Variants in ATIC observed in about 807,000 individuals in gnomAD.
ATIC encodes 5-aminoimidazole-4-carboxamide ribonucleotide formyltransferase/IMP cyclohydrolase, also known as bifunctional purine biosynthesis protein ATIC.
A neutral mutation model predicts 72.5 loss-of-function variants in ATIC; 64 were observed. The observed-to-expected ratio is 0.88, with a 90% CI of 0.72 to 1.09. ATIC has a LOEUF of 1.09. Ranked by LOEUF, ATIC falls within the 50% of genes least tolerant of loss-of-function variation. The probability of loss-of-function intolerance (pLI) is 0.00; values close to 1 mark genes in which losing one functional copy is unlikely to be tolerated. For missense variants in ATIC, 787 were observed against 732.4 expected (o/e 1.07, Z -0.86); for synonymous variants, 281 against 267.1 (o/e 1.05, Z -0.51).
intron 2 of ATIC, among the ~76,000 whole-genome samples, chr2:215,314,526 T>C (rs2052688947): frequency 6.6e-6 from 1 of 152,066 alleles, no homozygotes; most frequent in Non-Finnish European, 1.5e-5. Flanking sequence ...GAGATAGAGT[T>C]TCACTCTTGT....
chr2:215,366,043 C>T, the ATIC span, among the ~76,000 whole-genome samples: 1 of 143,878 alleles, frequency 7.0e-6, no homozygotes, highest in Admixed American at 7.2e-5. Flanking sequence ...GTCTCAAACT[C>T]GTGAGCTCAG....
intron 12 of ATIC, among the ~76,000 whole-genome samples, chr2:215,342,877 A>G (rs1382142358): frequency 1.3e-5 from 2 of 152,142 alleles, no homozygotes; most frequent in African/African-American, 4.8e-5. Context: ...ACGGGGTTTC[A>G]CCATGTTGGT....
At chr2:215,350,671 G>T (rs1020060611), downstream of ATIC, among the ~76,000 whole-genome samples, 1 of 152,152 alleles carries the variant, frequency 6.6e-6, no homozygotes, top group African/African-American at 2.4e-5. Context: ...AATATTTGGT[G>T]CTCAGAAATT....
At chr2:215,332,725 G>T (rs2052909353) in intron 8 of ATIC, among the ~76,000 whole-genome samples, 1 of 152,166 alleles carries the variant, frequency 6.6e-6, no homozygotes, top group South Asian at 2.1e-4. Context: ...GAATTTGTTT[G>T]TGGGGTGGAA....
intron 13 of ATIC, among the ~76,000 whole-genome samples, chr2:215,346,150 T>TTTTG (rs1559280044): frequency 6.6e-6 from 1 of 151,066 alleles, no homozygotes; most frequent in Non-Finnish European, 1.5e-5. Context: ...TGGTCATTAG[T>TTTTG]TTTATTTATT....
chr2:215,348,332 A>C (rs2053093260), intron 14 of ATIC, among the ~76,000 whole-genome samples: 1 of 152,158 alleles, frequency 6.6e-6, no homozygotes. Context: ...GTTTTTTTGA[A>C]AACCCTTGGA....
the ATIC span, among the ~76,000 whole-genome samples, chr2:215,359,100 C>G: frequency 6.6e-6 from 1 of 152,084 alleles, no homozygotes; most frequent in Non-Finnish European, 1.5e-5. Context: ...CCCAGACTGG[C>G]CTTGAACTCC....
intron 15 of ATIC, 21 bp downstream of exon 15, chr2:215,349,270 A>G (rs1329709234): frequency 3.1e-6 from 5 of 1,613,876 alleles, no homozygotes; most frequent in African/African-American, 2.7e-5. Flanking sequence ...AATTGGGTGC[A>G]TTTGCTTAGA....
At chr2:215,338,968 T>C in intron 12 of ATIC, 61 bp downstream of exon 12, 1 of 1,599,520 alleles carries the variant, frequency 6.3e-7, no homozygotes, top group Non-Finnish European at 8.5e-7. Flanking sequence ...TTTCAATACT[T>C]AATGAGCTTT....
chr2:215,314,098 C>T (rs539659565), intron 2 of ATIC, among the ~76,000 whole-genome samples: 40 of 152,294 alleles, frequency 2.6e-4, no homozygotes, highest in Non-Finnish European at 4.9e-4. Context: ...ACTTTAGGTA[C>T]TTATCAACTG....
chr2:215,354,413 A>G (rs13385436), downstream of ATIC, among the ~76,000 whole-genome samples: 42,802 of 151,820 alleles, frequency 0.28, 6,437 homozygotes, highest in African/African-American at 0.31. Context: ...CTTTGTTGGC[A>G]CTCTGGGTTT....
chr2:215,354,718 A>T (rs559860812), downstream of ATIC, among the ~76,000 whole-genome samples: 11 of 148,462 alleles, frequency 7.4e-5, no homozygotes, highest in South Asian at 1.3e-3. Context: ...TTCTTTTCCA[A>T]TTGTTGGTAT....
At chr2:215,349,965 C>T (rs1002049196), downstream of ATIC, among the ~76,000 whole-genome samples, 1 of 152,116 alleles carries the variant, frequency 6.6e-6, no homozygotes, top group Non-Finnish European at 1.5e-5. Flanking sequence ...GCACAAGTCA[C>T]TGTGTACAGG....
the ATIC span, chr2:215,365,654 A>T: frequency 6.2e-7 from 1 of 1,613,486 alleles, no homozygotes; most frequent in South Asian, 1.1e-5. Context: ...GAAAGTCAGG[A>T]CCAAAAAGTT....
chr2:215,344,195 T>TA (rs2053048505), intron 12 of ATIC, among the ~76,000 whole-genome samples: 1 of 152,198 alleles, frequency 6.6e-6, no homozygotes, highest in Admixed American at 6.5e-5. Flanking sequence ...TCTTACCTCA[T>TA]GTGATATAAA....
chr2:215,350,292 A>G (rs544746910), downstream of ATIC, among the ~76,000 whole-genome samples: 2 of 152,132 alleles, frequency 1.3e-5, no homozygotes, highest in Non-Finnish European at 2.9e-5. Flanking sequence ...ATGTGCCACC[A>G]TGCCTGGCTA....
At chr2:215,368,236 G>A in the ATIC span, among the ~76,000 whole-genome samples, 1 of 152,180 alleles carries the variant, frequency 6.6e-6, no homozygotes, top group Non-Finnish European at 1.5e-5. Context: ...CCGACAGGAA[G>A]CCCATCTTTT....
intron 4 of ATIC, among the ~76,000 whole-genome samples, chr2:215,322,032 C>G (rs1385106213): frequency 6.6e-6 from 1 of 151,852 alleles, no homozygotes; most frequent in Non-Finnish European, 1.5e-5. Context: ...TCATGAGTAG[C>G]TGGGGTTACA....
At position 215,325,305 on chromosome 2, in the gene ATIC, G is replaced by T; in HGVS notation, c.355G>T (p.Glu119Ter). Residue 119 changes from glutamate (E) to a stop codon, truncating the protein, a stop_gained, in exon 5 of 16, where the codon GAG becomes TAG. Transcript: ENST00000236959. LOFTEE classifies it high-confidence loss of function. ...TVASPGVTVE[E>*]AVEQIDIGGV... ...GGCTTCTCCAGGTGTAACTGTTGAGGAGGCTGTGGAGCAAATTGACATTGG... is the reference window on the plus strand; with the variant it reads ...GGCTTCTCCAGGTGTAACTGTTGAGTAGGCTGTGGAGCAAATTGACATTGG... 6.2e-7 allele frequency: 1 copy of T among 1,613,668 alleles called. No homozygotes were observed. The highest frequency in any genetic ancestry group is 8.5e-7 in the Non-Finnish European group (1 of 1,179,628).
Sources: gnomAD v4.1 joint callset for allele counts (sites outside exome capture counted in the v4.1 genomes callset) on GRCh38, gnomAD v4.1.1 for gene constraint, MANE v1.5 for transcripts, NCBI Gene and HGNC (gene_info 2026-07-23, HGNC 2026-07-21) for gene names.